JPT2: variants seen among roughly 807,000 people sequenced by gnomAD.
JPT2 encodes the protein CRAMP_1 like.
In JPT2, 9 loss-of-function variants were observed where a neutral mutation model predicts 15.9. The observed-to-expected ratio is 0.57, with a 90% CI of 0.34 to 0.99. JPT2 has a LOEUF of 0.99. Among genes scored for constraint, JPT2 ranks in the 50% least tolerant of loss-of-function variants. The pLI is 0.02. For synonymous variants in JPT2, 95 were observed against 91.7 expected (o/e 1.04, Z -0.21); for missense variants, 267 against 252.1 (o/e 1.06, Z -0.40).
chr16:1,700,162 C>T lies in JPT2; in HGVS notation c.*1164C>T. The T allele has an allele frequency of 2.2e-6, 1 of 456,052 alleles. No individual in the cohort carries two copies. The highest frequency in any genetic ancestry group is 4.4e-6 in the Non-Finnish European group (1 of 226,776). 28.3% of individuals were successfully genotyped at this position (456,052 alleles called of 1,614,324 possible). On this transcript the variant is annotated 3_prime_UTR_variant, in exon 5 of 5. Coordinates refer to ENST00000248098, the MANE Select transcript of JPT2 (RefSeq NM_144570.3). ...AGCTTTATAGAACTTCTGGATCTAACTCACAAACAAGCTTCCAGAAGAGAC... is the reference window on the plus strand; with the variant it reads ...AGCTTTATAGAACTTCTGGATCTAATTCACAAACAAGCTTCCAGAAGAGAC...
At chr16:1,678,914 A>C (rs780514824) in intron 1 of JPT2, among the ~76,000 whole-genome samples, 2 of 152,124 alleles carry the variant, frequency 1.3e-5, no homozygotes, top group African/African-American at 4.8e-5. Context: ...CCACTAGTTC[A>C]TGTGAGTCCA....
chr16:1,680,323 A>G, intron 1 of JPT2: 5 of 1,003,246 alleles, frequency 5.0e-6, no homozygotes, highest in Non-Finnish European at 6.0e-6. Context: ...ACCCTGAGCG[A>G]CGCCGATGTT....
chr16:1,683,376 G>A (rs189273043), intron 1 of JPT2: 118 of 637,046 alleles, frequency 1.9e-4, no homozygotes, highest in African/African-American at 1.8e-3. Context: ...CTCCCAAGGT[G>A]CTGGGATTAC....
At chr16:1,695,440 C>T (rs1044921154) in intron 3 of JPT2, among the ~76,000 whole-genome samples, 12 of 150,200 alleles carry the variant, frequency 8.0e-5, no homozygotes, top group African/African-American at 2.9e-4. Flanking sequence ...CGTATGGTTG[C>T]GTGCACCTGT....
rs2037155691 is a variant in JPT2, at chr16:1,698,157, C to G, written c.385+297C>G. Among the ~76,000 whole-genome samples, 1 of 152,128 alleles carries G rather than the reference C, an allele frequency of 6.6e-6. No individual in the cohort carries two copies. The highest frequency in any genetic ancestry group is 2.1e-4 in the South Asian group (1 of 4,828). ...CCCAAACCTTCAGTGAACTCATGACCAAGCATAGAGCTGGCAGAACTAATC... is the reference window on the plus strand; with the variant it reads ...CCCAAACCTTCAGTGAACTCATGACGAAGCATAGAGCTGGCAGAACTAATC... On this transcript the variant is annotated intron_variant, in intron 4 of 4. Transcript: ENST00000248098. The surrounding 1 kb of genome is among the most constrained non-coding windows in gnomAD (Gnocchi z 4.9).
Position 1,698,534 on chromosome 16 carries a change from A to T in JPT2, c.386-277A>T, listed in dbSNP as rs1342196804. On this transcript the variant is annotated intron_variant, in intron 4 of 4. Transcript: ENST00000248098. This position sits in a 1 kb window ranked among gnomAD's most constrained non-coding sequence, Gnocchi z 4.9. Reference sequence around the variant, plus strand: ...GATGGAAGAAATGGGAGTGGTGTCTAACAAGCAATATAAAGAAACAATTCA... The same window carrying T: ...GATGGAAGAAATGGGAGTGGTGTCTTACAAGCAATATAAAGAAACAATTCA... Among the ~76,000 whole-genome samples the T allele has an allele frequency of 1.3e-5, 2 of 152,222 alleles. No individual in the cohort carries two copies. Among genetic ancestry groups the T allele is most frequent in the Non-Finnish European group, 1.5e-5 (1 of 68,038 alleles).
rs2037164931 is a variant in JPT2, at chr16:1,699,223, C to T, written c.*225C>T. 1 of 646,166 alleles carries T rather than the reference C, an allele frequency of 1.5e-6. No individual in the cohort carries two copies. The highest frequency in any genetic ancestry group is 2.9e-6 in the Non-Finnish European group (1 of 350,366). The allele number at this position is 646,166 out of a possible 1,614,324, so 40.0% of individuals were successfully genotyped here. On this transcript the variant is annotated 3_prime_UTR_variant, in exon 5 of 5. Transcript: ENST00000248098. ...GATGAAATGGGGCACCCCTGGCCAT[C>T]ACTCATGTGTAGTCCAGGTTTGAGA...
At chr16:1,682,061 C>A (rs2142219669) in intron 1 of JPT2, among the ~76,000 whole-genome samples, 1 of 152,338 alleles carries the variant, frequency 6.6e-6, no homozygotes, top group African/African-American at 2.4e-5. Flanking sequence ...CATGTTTAGA[C>A]CTGCTACACT....
chr16:1,692,007 G>C (rs775320557), intron 3 of JPT2, 22 bp downstream of exon 3: 4 of 1,613,414 alleles, frequency 2.5e-6, no homozygotes, highest in Non-Finnish European at 3.4e-6. Flanking sequence ...ATTCAGACGT[G>C]ACAGCGCAGC....
Position 1,698,815 on chromosome 16 carries a change from A to G in JPT2, c.390A>G (p.Ala130=), listed in dbSNP as rs528252607. Residue 130 remains alanine (A), a synonymous_variant, in exon 5 of 5, where the codon GCA becomes GCG. Transcript: ENST00000248098. This position sits in a 1 kb window ranked among gnomAD's most constrained non-coding sequence, Gnocchi z 4.9. ...TTCTAACTTTGTGTCCCACAGCTGC[A>G]AGGAGCATCCCGGCTGGAGCAGAGC... ...GEEPKSDLKA[A]RSIPAGAEPG... The G allele has an allele frequency of 6.2e-7, 1 of 1,610,700 alleles. No individual in the cohort carries two copies. Among genetic ancestry groups the G allele is most frequent in the African/African-American group, 1.3e-5 (1 of 74,776 alleles).
chr16:1,680,785 A>G lies in JPT2; in HGVS notation c.44+2429A>G, dbSNP rs554726063. Among the ~76,000 whole-genome samples, 22 of 152,176 alleles carry G rather than the reference A, an allele frequency of 1.4e-4. No homozygotes were observed. In the South Asian group the frequency reaches 2.1e-3, roughly 14 times the overall value. On this transcript the variant is annotated intron_variant, in intron 1 of 4. Transcript: ENST00000248098. ...TCTTCCTTCAAGCTGGAACATTTCT[A>G]TTTGTAAGGAATTTAATCCAAGTTT...
At position 1,701,873 on chromosome 16, in the gene JPT2, CA is replaced by C. The variant is rs932760818; in HGVS notation, c.*2884del. The C allele has an allele frequency of 1.3e-4, 37 of 287,234 alleles. No individual in the cohort carries two copies. Among genetic ancestry groups the C allele is most frequent in the Middle Eastern group, 1.3e-3 (1 of 786 alleles). The allele number at this position is 287,234 out of a possible 1,614,324, so 17.8% of individuals were successfully genotyped here. ...ACAACATACTACGACCCTGTCTATA[CA>C]AAAAAAAACTTCTCTAAATTAGCCG... On this transcript the variant is annotated 3_prime_UTR_variant, in exon 5 of 5. Coordinates refer to ENST00000248098, the MANE Select transcript of JPT2 (RefSeq NM_144570.3).
intron 1 of JPT2, chr16:1,683,431 T>TG (rs758699459): frequency 2.2e-6 from 2 of 916,656 alleles, no homozygotes; most frequent in Non-Finnish European, 3.4e-6. Context: ...CATTTAAGCT[T>TG]GGTTATTGGT....
chr16:1,688,279 ACTAGTCCGTAGCAGAG>A (rs1399653103), intron 2 of JPT2: 2 of 152,130 alleles, frequency 1.3e-5, no homozygotes, highest in African/African-American at 4.8e-5. Context: ...CGGTAGCAGA[ACTAGTCCGTAGCAGAG>A]CTAGTCGGTA....
rs1452798650 is a variant in JPT2, at chr16:1,698,400, G to C, written c.386-411G>C. Among the ~76,000 whole-genome samples the C allele has an allele frequency of 1.3e-5, 2 of 152,184 alleles. No homozygotes were observed. The highest frequency in any genetic ancestry group is 2.9e-5 in the Non-Finnish European group (2 of 68,032). ...GTGGGATTTCATTCACCTTTGAAAA[G>C]CCCAGGGTAACAGCAACAGAGCCTG... On this transcript the variant is annotated intron_variant, in intron 4 of 4. Coordinates refer to ENST00000248098, the MANE Select transcript of JPT2 (RefSeq NM_144570.3). The surrounding 1 kb of genome is among the most constrained non-coding windows in gnomAD (Gnocchi z 4.9).
chr16:1,688,623 C>T (rs2037083975), intron 2 of JPT2: 1 of 152,116 alleles, frequency 6.6e-6, no homozygotes, highest in African/African-American at 2.4e-5. Context: ...CCTGTAATCC[C>T]AGCATTTTGG....
At chr16:1,694,579 A>C (rs1388758358) in intron 3 of JPT2, among the ~76,000 whole-genome samples, 1 of 152,242 alleles carries the variant, frequency 6.6e-6, no homozygotes, top group African/African-American at 2.4e-5. Flanking sequence ...TCCTGCTCTC[A>C]AATCTTACTG....
intron 2 of JPT2, chr16:1,686,609 A>C (rs2037068517): frequency 1.3e-5 from 2 of 152,158 alleles, no homozygotes; most frequent in Non-Finnish European, 2.9e-5. Context: ...GAATCACTTG[A>C]ACCCGGGAGG....
intron 1 of JPT2, among the ~76,000 whole-genome samples, chr16:1,682,058 A>G (rs2037027273): frequency 6.6e-6 from 1 of 152,234 alleles, no homozygotes; most frequent in African/African-American, 2.4e-5. Context: ...GTGCATGTTT[A>G]GACCTGCTAC....
Sources: gnomAD v4.1 joint callset for allele counts (sites outside exome capture counted in the v4.1 genomes callset) on GRCh38, gnomAD v4.1.1 for gene constraint, Gnocchi (gnomAD v3.1) non-coding constraint, MANE v1.5 for transcripts, NCBI Gene and HGNC (gene_info 2026-07-23, HGNC 2026-07-21) for gene names.